ARMH3: variants seen among roughly 807,000 people sequenced by gnomAD.
ARMH3 encodes armadillo-like helical domain-containing protein 3.
ARMH3 carries 60 observed loss-of-function variants against 99.1 expected under a neutral mutation model. The ratio of observed to expected loss-of-function variants is 0.61; its 90% CI spans 0.49 to 0.75. ARMH3 has a LOEUF of 0.75. Ranked by LOEUF, ARMH3 falls within the 30% of genes least tolerant of loss-of-function variation. The pLI, the probability that ARMH3 is intolerant of heterozygous loss-of-function variation, is 0.00. For synonymous variants in ARMH3, 285 were observed against 292.8 expected, an observed-to-expected ratio of 0.97 and a Z score of 0.27; for missense variants, 679 against 843.1, an observed-to-expected ratio of 0.81 and a Z score of 2.41.
At chr10:102,012,267 C>T (rs577534421) in intron 10 of ARMH3, among the ~76,000 whole-genome samples, 2 of 152,280 alleles carry the variant, frequency 1.3e-5, no homozygotes, top group South Asian at 4.1e-4. Flanking sequence ...TGGCCCTTGC[C>T]AGAATTAGGG....
At chr10:101,971,044 C>G (rs144068635) in intron 20 of ARMH3, among the ~76,000 whole-genome samples, 6 of 138,454 alleles carry the variant, frequency 4.3e-5, no homozygotes, top group Non-Finnish European at 7.6e-5. Context: ...TTGCAGTGAG[C>G]TGAGACTGTG....
At chr10:101,869,914 T>C (rs992490927) in intron 24 of ARMH3, among the ~76,000 whole-genome samples, 29 of 152,152 alleles carry the variant, frequency 1.9e-4, no homozygotes, top group Non-Finnish European at 3.2e-4. Flanking sequence ...AAGCCTGTAG[T>C]CCCAGATACT....
intron 24 of ARMH3, among the ~76,000 whole-genome samples, chr10:101,852,329 G>A (rs1340802963): frequency 6.6e-6 from 1 of 152,230 alleles, no homozygotes; most frequent in African/African-American, 2.4e-5. Context: ...CATGGTAGAA[G>A]GTCTAAGGTC....
intron 19 of ARMH3, among the ~76,000 whole-genome samples, chr10:101,976,456 T>TC (rs1203125932): frequency 5.4e-5 from 8 of 148,100 alleles, no homozygotes; most frequent in African/African-American, 2.0e-4. Flanking sequence ...TGCTACCCAT[T>TC]CCCCTTATCA....
At chr10:101,972,936 T>G (rs1253594917) in intron 20 of ARMH3, among the ~76,000 whole-genome samples, 1 of 152,210 alleles carries the variant, frequency 6.6e-6, no homozygotes, top group Non-Finnish European at 1.5e-5. Flanking sequence ...GAGCTGAAAG[T>G]TCTGAAAGAC....
chr10:101,931,593 C>T (rs1167493664), intron 23 of ARMH3, among the ~76,000 whole-genome samples: 1 of 151,592 alleles, frequency 6.6e-6, no homozygotes, highest in Non-Finnish European at 1.5e-5. Flanking sequence ...TGGATGCTTA[C>T]TTTATATCAT....
rs977020906 is a variant in ARMH3 at position 102,032,030 on chromosome 10, G to A, written c.306+996C>T. On this transcript the variant is annotated intron_variant, in intron 4 of 25. Coordinates refer to ENST00000370033, the MANE Select transcript of ARMH3 (RefSeq NM_024541.3). ...TCGGATTACAGGCATGAGCCACCGC[G>A]CCCAGCCCAGGATTCTTCATATTCT... Among the ~76,000 whole-genome samples the A allele has an allele frequency of 1.6e-4, 24 of 152,266 alleles. No individual in the cohort carries two copies. In the South Asian group the frequency reaches 1.9e-3, roughly 12 times the overall value.
chr10:101,922,088 T>C (rs1843329716), intron 23 of ARMH3, among the ~76,000 whole-genome samples: 1 of 152,182 alleles, frequency 6.6e-6, no homozygotes, highest in African/African-American at 2.4e-5. Flanking sequence ...TAACCAAATA[T>C]CACGTGTACC....
chr10:102,004,963 G>A (rs142145589), intron 14 of ARMH3, among the ~76,000 whole-genome samples: 13,190 of 152,154 alleles, frequency 0.087, 737 homozygotes, highest in Middle Eastern at 0.22. Context: ...CCAGCACTTT[G>A]GGAGGCCGAG....
chr10:102,001,115 C>T (rs1180419603), intron 15 of ARMH3, among the ~76,000 whole-genome samples: 1 of 152,020 alleles, frequency 6.6e-6, no homozygotes, highest in Non-Finnish European at 1.5e-5. Flanking sequence ...CCGTACCCAG[C>T]CAGTGATGAT....
At chr10:101,969,915 C>T (rs1475542659) in intron 20 of ARMH3, among the ~76,000 whole-genome samples, 1 of 152,148 alleles carries the variant, frequency 6.6e-6, no homozygotes, top group African/African-American at 2.4e-5. Flanking sequence ...ATAAAAATAA[C>T]GACTTATCAC....
intron 2 of ARMH3, among the ~76,000 whole-genome samples, chr10:102,039,283 T>A (rs907048980): frequency 5.3e-5 from 8 of 152,114 alleles, no homozygotes; most frequent in Non-Finnish European, 1.2e-4. Context: ...TAGCTGAGAT[T>A]ACAGGAGCGC....
In ARMH3 at chr10:101,939,943, A is replaced by G; in HGVS notation, c.1706-5T>C. 2 of 1,613,028 alleles carry G rather than the reference A, an allele frequency of 1.2e-6. No individual in the cohort carries two copies. Among genetic ancestry groups the G allele is most frequent in the Non-Finnish European group, 1.7e-6 (2 of 1,179,680 alleles). On this transcript the variant is annotated splice_region_variant and splice_polypyrimidine_tract_variant and intron_variant, in intron 22 of 25. Coordinates refer to ENST00000370033, the MANE Select transcript of ARMH3 (RefSeq NM_024541.3). ...CATTGGTAGAAAGCCTCAGGACTGC[A>G]AAGAAGGAAAGAACACAGATCTGTC...
chr10:101,997,396 A>T (rs1847110580), intron 15 of ARMH3, among the ~76,000 whole-genome samples: 1 of 152,062 alleles, frequency 6.6e-6, no homozygotes. Context: ...GATCGAGACC[A>T]TCCTGGCCAA....
chr10:102,041,090 A>AATATATATATATATATATATAATATATAT (rs2067406098), intron 1 of ARMH3, among the ~76,000 whole-genome samples: 2 of 132,638 alleles, frequency 1.5e-5, no homozygotes, highest in Non-Finnish European at 3.3e-5. Context: ...ATATATATAT[A>AATATATATATATATATATATAATATATAT]ATATATATAT....
At chr10:102,010,887 T>C (rs1430828511) in intron 11 of ARMH3, among the ~76,000 whole-genome samples, 7 of 152,164 alleles carry the variant, frequency 4.6e-5, no homozygotes, top group African/African-American at 1.7e-4. Context: ...GGCCCCTTCC[T>C]GAGAACAGGC....
At position 101,993,534 on chromosome 10, in the gene ARMH3, C is replaced by A. The variant is rs768920716; in HGVS notation, c.1275+4G>T. On this transcript the variant is annotated splice_donor_region_variant and intron_variant, in intron 17 of 25. Transcript: ENST00000370033. ...AAAAAACAAGAAGCAAAAGAAACAC[C>A]TACCATTCTATGTAAGTTTACTCGA... 1.8e-5 allele frequency: 29 copies of A among 1,590,072 alleles called. No homozygotes were observed. Among genetic ancestry groups the A allele is most frequent in the Non-Finnish European group, 2.5e-5 (29 of 1,168,856 alleles).
At chr10:102,025,092 C>T (rs1445856578) in intron 6 of ARMH3, 64 bp downstream of exon 6, 3 of 1,334,282 alleles carry the variant, frequency 2.2e-6, no homozygotes, top group Admixed American at 3.4e-5. Context: ...TCTTTGGGCT[C>T]AAGTATTCAA....
intron 20 of ARMH3, among the ~76,000 whole-genome samples, chr10:101,961,179 C>T (rs1482335348): frequency 1.3e-5 from 2 of 152,184 alleles, no homozygotes; most frequent in Admixed American, 6.5e-5. Flanking sequence ...CAAAAAGACT[C>T]CCAGAAGCTT....
Sources: allele counts gnomAD v4.1 joint callset (sites outside exome capture counted in the v4.1 genomes callset), GRCh38; gene constraint gnomAD v4.1.1; transcripts MANE v1.5; gene names NCBI Gene and HGNC (gene_info 2026-07-23, HGNC 2026-07-21).